The following RALYL variants were observed in gnomAD, a reference collection of about 807,000 sequenced individuals.
The protein encoded by RALYL is RALY RNA binding protein like.
RALYL carries 29 observed loss-of-function variants against 35.1 expected under a neutral mutation model. That is an observed-to-expected ratio of 0.83 (90% CI 0.61 to 1.13). The LOEUF (loss-of-function observed/expected upper bound fraction) is 1.13, where lower values mean the gene tolerates loss of function less well. Among genes scored for constraint, RALYL ranks in the 50% most tolerant of loss-of-function variants. The pLI, the probability that RALYL is intolerant of heterozygous loss-of-function variation, is 0.00. For missense variants in RALYL, 359 were observed against 360.4 expected (o/e 1.00, Z 0.03); for synonymous variants, 120 against 127.6 (o/e 0.94, Z 0.40).
chr8:84,705,716 A>C (rs944792849), intron 2 of RALYL, among the ~76,000 whole-genome samples: 1 of 152,174 alleles, frequency 6.6e-6, no homozygotes, highest in African/African-American at 2.4e-5. Context: ...TCTATTCTTA[A>C]TCCAACATTG....
At chr8:84,453,594 AT>A (rs1480466352) in intron 1 of RALYL, among the ~76,000 whole-genome samples, 2 of 151,930 alleles carry the variant, frequency 1.3e-5, no homozygotes, top group African/African-American at 4.8e-5. Flanking sequence ...TCACAGAAAT[AT>A]ATTCAAAGTG....
intron 1 of RALYL, among the ~76,000 whole-genome samples, chr8:84,457,168 G>A (rs938018828): frequency 1.3e-5 from 2 of 151,856 alleles, no homozygotes; most frequent in Admixed American, 6.6e-5. Flanking sequence ...TGCAGGGTTT[G>A]GAAGTTGTAT....
intron 1 of RALYL, among the ~76,000 whole-genome samples, chr8:84,394,485 C>G (rs955804259): frequency 6.6e-6 from 1 of 151,848 alleles, no homozygotes; most frequent in Admixed American, 6.6e-5. Flanking sequence ...AGTTTGGTGC[C>G]TCATGGTTCT....
chr8:84,261,427 T>C (rs4644249), intron 1 of RALYL, among the ~76,000 whole-genome samples: 76,244 of 151,750 alleles, frequency 0.5, 19,291 homozygotes, highest in East Asian at 0.65. Flanking sequence ...GGTTTTACAA[T>C]GGACTTCTCC....
At chr8:84,893,503 A>C (rs1844221566) in intron 8 of RALYL, among the ~76,000 whole-genome samples, 2 of 152,212 alleles carry the variant, frequency 1.3e-5, no homozygotes, top group Non-Finnish European at 2.9e-5. Flanking sequence ...CACAGTGCTA[A>C]TTCAAAAAAG....
chr8:84,911,424 G>A (rs1413034028), intron 8 of RALYL, among the ~76,000 whole-genome samples: 1 of 152,044 alleles, frequency 6.6e-6, no homozygotes, highest in Non-Finnish European at 1.5e-5. Context: ...TACTTTATAA[G>A]TATGCAGCTA....
intron 1 of RALYL, among the ~76,000 whole-genome samples, chr8:84,362,035 A>T (rs371913354): frequency 9.1e-4 from 139 of 152,284 alleles, no homozygotes; most frequent in Middle Eastern, 3.4e-3. Flanking sequence ...CAGCCACTGT[A>T]CCTGATATGC....
At chr8:84,514,090 TAAAAAAAAAAAAAA>T (rs57881021) in intron 1 of RALYL, among the ~76,000 whole-genome samples, 1 of 41,158 alleles carries the variant, frequency 2.4e-5, no homozygotes. Flanking sequence ...AGATTTCATC[TAAAAAAAAAAAAAA>T]AAAAAAAAAA....
intron 1 of RALYL, among the ~76,000 whole-genome samples, chr8:84,509,917 C>T (rs1462792886): frequency 1.3e-5 from 2 of 152,108 alleles, no homozygotes; most frequent in Admixed American, 6.6e-5. Context: ...ATTACTGTAG[C>T]TTTATATTGA....
intron 1 of RALYL, among the ~76,000 whole-genome samples, chr8:84,296,172 A>T (rs1839704720): frequency 6.6e-6 from 1 of 152,120 alleles, no homozygotes; most frequent in South Asian, 2.1e-4. Flanking sequence ...TGATATGTCT[A>T]TGAGAAACAT....
intron 4 of RALYL, among the ~76,000 whole-genome samples, chr8:84,823,908 T>C (rs1829060184): frequency 6.6e-6 from 1 of 152,044 alleles, no homozygotes; most frequent in Non-Finnish European, 1.5e-5. Context: ...GCCAACATCA[T>C]ATTGAACAGA....
intron 2 of RALYL, among the ~76,000 whole-genome samples, chr8:84,670,642 G>T (rs1370492648): frequency 6.6e-6 from 1 of 152,178 alleles, no homozygotes; most frequent in East Asian, 1.9e-4. Flanking sequence ...GCAAGAGTGT[G>T]TGTGCAGGGG....
At chr8:84,252,520 A>G (rs1279654068) in intron 1 of RALYL, among the ~76,000 whole-genome samples, 1 of 152,198 alleles carries the variant, frequency 6.6e-6, no homozygotes, top group Non-Finnish European at 1.5e-5. Context: ...GCGCAGACCT[A>G]TTCTGAAGGC....
intron 1 of RALYL, among the ~76,000 whole-genome samples, chr8:84,315,471 C>A (rs1330960250): frequency 6.6e-6 from 1 of 152,028 alleles, no homozygotes; most frequent in Admixed American, 6.6e-5. Flanking sequence ...AGACTGATAA[C>A]AATTTGCAAC....
At chr8:84,656,335 T>C (rs1243671333) in intron 2 of RALYL, among the ~76,000 whole-genome samples, 2 of 152,130 alleles carry the variant, frequency 1.3e-5, no homozygotes, top group Non-Finnish European at 2.9e-5. Context: ...TTGGCAACCT[T>C]GAAAAATAGT....
intron 1 of RALYL, among the ~76,000 whole-genome samples, chr8:84,528,045 T>C (rs749749843): frequency 4.6e-5 from 7 of 152,178 alleles, no homozygotes; most frequent in Admixed American, 6.5e-5. Context: ...ATATCCAATT[T>C]ACATGCCTTA....
At chr8:84,279,125 A>G (rs1165277563) in intron 1 of RALYL, among the ~76,000 whole-genome samples, 1 of 152,196 alleles carries the variant, frequency 6.6e-6, no homozygotes, top group African/African-American at 2.4e-5. Context: ...GGCAGCAGGC[A>G]AGAGAGCATG....
intron 1 of RALYL, among the ~76,000 whole-genome samples, chr8:84,411,718 T>A (rs2044122729): frequency 6.6e-6 from 1 of 152,040 alleles, no homozygotes; most frequent in Admixed American, 6.6e-5. Flanking sequence ...CATTGATTAT[T>A]TGTTTAAATA....
intron 4 of RALYL, among the ~76,000 whole-genome samples, chr8:84,824,625 T>C (rs907647323): frequency 1.3e-5 from 2 of 152,096 alleles, no homozygotes; most frequent in Non-Finnish European, 2.9e-5. Context: ...ACTATAAGGC[T>C]ACAATAACCA....
Sources: gnomAD v4.1 joint callset for allele counts (sites outside exome capture counted in the v4.1 genomes callset) on GRCh38, gnomAD v4.1.1 for gene constraint, MANE v1.5 for transcripts, NCBI Gene and HGNC (gene_info 2026-07-23, HGNC 2026-07-21) for gene names.